AKAP12: variants seen among roughly 807,000 people sequenced by gnomAD.
The protein encoded by AKAP12 is A-kinase anchoring protein 12.
In AKAP12, 32 loss-of-function variants were observed where a neutral mutation model predicts 79.9. That is an observed-to-expected ratio of 0.40 (90% confidence interval 0.30 to 0.54). The LOEUF (loss-of-function observed/expected upper bound fraction) is 0.54, where lower values mean the gene tolerates loss of function less well. Among genes scored for constraint, AKAP12 ranks in the 20% least tolerant of loss-of-function variants. The pLI is 0.48. For synonymous variants in AKAP12, 808 were observed against 857.0 expected, an observed-to-expected ratio of 0.94 and a Z score of 1.00; for missense variants, 2,074 against 2,177.0, an observed-to-expected ratio of 0.95 and a Z score of 0.94.
chr6:151,285,384 CTGTG>C (rs10680283), intron 2 of AKAP12, among the ~76,000 whole-genome samples: 11,435 of 136,470 alleles, frequency 0.084, 622 homozygotes, highest in East Asian at 0.26. Flanking sequence ...CTGCATTTCA[CTGTG>C]TGTGTGTGTG....
chr6:151,244,223 G>A (rs1421526664), intron 2 of AKAP12, among the ~76,000 whole-genome samples: 2 of 152,172 alleles, frequency 1.3e-5, no homozygotes, highest in African/African-American at 4.8e-5. Flanking sequence ...TTTGACCCTC[G>A]TGCATTAAAA....
intron 3 of AKAP12, among the ~76,000 whole-genome samples, chr6:151,346,032 G>A (rs1778094511): frequency 6.6e-6 from 1 of 150,676 alleles, no homozygotes; most frequent in Non-Finnish European, 1.5e-5. Context: ...CCTGCTTTTT[G>A]CAGTCAAATC....
chr6:151,318,556 T>C (rs12210297), intron 3 of AKAP12, among the ~76,000 whole-genome samples: 41,811 of 152,100 alleles, frequency 0.27, 5,810 homozygotes, highest in South Asian at 0.4. Flanking sequence ...GGTCTTCAGT[T>C]TTCTGAATAT....
chr6:151,274,589 G>T (rs1187161153), intron 2 of AKAP12, among the ~76,000 whole-genome samples: 4 of 152,184 alleles, frequency 2.6e-5, no homozygotes, highest in Admixed American at 2.6e-4. Flanking sequence ...TTTAAGCATT[G>T]TAAGTATGGA....
chr6:151,325,303 C>T (rs919568470), intron 3 of AKAP12: 33 of 985,332 alleles, frequency 3.3e-5, no homozygotes, highest in Non-Finnish European at 3.9e-5. Flanking sequence ...GGAGAATTTA[C>T]TGTCTGTGTG....
chr6:151,281,924 C>G (rs1291083484), intron 2 of AKAP12, among the ~76,000 whole-genome samples: 1 of 151,986 alleles, frequency 6.6e-6, no homozygotes, highest in Non-Finnish European at 1.5e-5. Context: ...TGTCAAACAC[C>G]TGGCTTCAAG....
chr6:151,347,725 A>G (rs906259659), intron 3 of AKAP12, among the ~76,000 whole-genome samples: 4 of 152,230 alleles, frequency 2.6e-5, no homozygotes, highest in African/African-American at 9.6e-5. Context: ...GAAAGTATTA[A>G]TTGGTCATAT....
chr6:151,325,760 C>T, intron 3 of AKAP12: 3 of 1,599,158 alleles, frequency 1.9e-6, no homozygotes, highest in Non-Finnish European at 1.7e-6. Flanking sequence ...GCTCTGATCC[C>T]GCCGAAACCA....
intron 2 of AKAP12, among the ~76,000 whole-genome samples, chr6:151,254,270 T>C (rs935578065): frequency 2.0e-5 from 3 of 152,200 alleles, no homozygotes; most frequent in Non-Finnish European, 2.9e-5. Context: ...ACCCAGTTGA[T>C]TGGTTTTATA....
chr6:151,258,175 A>G (rs1316441344), intron 2 of AKAP12, among the ~76,000 whole-genome samples: 2 of 152,214 alleles, frequency 1.3e-5, no homozygotes, highest in Non-Finnish European at 2.9e-5. Context: ...TCCTGCAATG[A>G]ATACTGGAGG....
At chr6:151,309,237 A>G (rs1777039283) in intron 3 of AKAP12, among the ~76,000 whole-genome samples, 1 of 152,168 alleles carries the variant, frequency 6.6e-6, no homozygotes, top group Admixed American at 6.5e-5. Flanking sequence ...AGTTTGCTGT[A>G]GGATAGACAA....
At chr6:151,290,719 C>T (rs1433026333) in intron 2 of AKAP12, among the ~76,000 whole-genome samples, 1 of 152,116 alleles carries the variant, frequency 6.6e-6, no homozygotes, top group Non-Finnish European at 1.5e-5. Flanking sequence ...GATTCTTCTG[C>T]CTCAGTCTCC....
chr6:151,274,160 C>T (rs1204675630), intron 2 of AKAP12, among the ~76,000 whole-genome samples: 2 of 152,108 alleles, frequency 1.3e-5, no homozygotes, highest in South Asian at 2.1e-4. Flanking sequence ...CAACCTCTGC[C>T]TCTTGGGCTT....
At chr6:151,321,903 G>GTTTTTTTTTTTTTT (rs11415941) in intron 3 of AKAP12, among the ~76,000 whole-genome samples, 2 of 67,358 alleles carry the variant, frequency 3.0e-5, no homozygotes, top group Admixed American at 1.7e-4. Context: ...TCAGCTTTAT[G>GTTTTTTTTTTTTTT]TTTTTTTTTT....
At position 151,353,301 on chromosome 6, in the gene AKAP12, C is replaced by T. The variant is rs1318347649; in HGVS notation, c.4910C>T (p.Ala1637Val). The T allele has an allele frequency of 1.2e-6, 2 of 1,614,012 alleles. No homozygotes were observed. The highest frequency in any genetic ancestry group is 1.7e-5 in the Admixed American group (1 of 59,998). ...GATATTTCCAAAGACATGAGTGAAG[C>T]CTCAGAAAAGACCATGACTGTTGAG... The part of the protein sequence containing the change: ...HSDISKDMSE[A>V]SEKTMTVEVE... Residue 1637 changes from alanine (A) to valine (V), a missense_variant, in exon 4 of 5, where the codon GCC (alanine) becomes GTC (valine). Ala to Val is a moderately conservative substitution (Grantham distance 64). This residue lies in a region of AKAP12 where 614 missense variants were observed against 665.6 expected (regional missense o/e 0.92). Coordinates refer to ENST00000402676, the MANE Select transcript of AKAP12 (RefSeq NM_005100.4).
chr6:151,324,341 G>GT (rs1777470771), intron 3 of AKAP12: 6 of 985,374 alleles, frequency 6.1e-6, no homozygotes, highest in Middle Eastern at 1.0e-3. Flanking sequence ...GCTGATTTTT[G>GT]TAACAAGGTC....
At chr6:151,308,071 C>G (rs1483117404) in intron 3 of AKAP12, among the ~76,000 whole-genome samples, 1 of 151,872 alleles carries the variant, frequency 6.6e-6, no homozygotes, top group African/African-American at 2.4e-5. Context: ...AATGGGGTTT[C>G]ACCATGTTGG....
chr6:151,324,365 G>A (rs1777471564), intron 3 of AKAP12: 2 of 985,292 alleles, frequency 2.0e-6, no homozygotes, highest in African/African-American at 3.5e-5. Flanking sequence ...TTACCAGCAA[G>A]GAAGCGGTTT....
chr6:151,299,957 C>T (rs2114748319), intron 2 of AKAP12, among the ~76,000 whole-genome samples: 1 of 152,196 alleles, frequency 6.6e-6, no homozygotes, highest in Admixed American at 6.5e-5. Context: ...TGTTGCACCT[C>T]ATAAATATGT....
Sources: gnomAD v4.1 joint callset for allele counts (sites outside exome capture counted in the v4.1 genomes callset) on GRCh38, gnomAD v4.1.1 for gene constraint, gnomAD v4.1.1 regional missense constraint, MANE v1.5 for transcripts, NCBI Gene and HGNC (gene_info 2026-07-23, HGNC 2026-07-21) for gene names.